Variants in WDR25 observed in about 807,000 individuals in gnomAD.
WDR25 encodes the protein WD repeat domain 25, also known as WD repeat-containing protein 25.
Under a neutral mutation model 47.7 loss-of-function variants are expected in WDR25, and 35 were observed. That is an observed-to-expected ratio of 0.73 (90% CI 0.56 to 0.97). The LOEUF (loss-of-function observed/expected upper bound fraction) is 0.97. WDR25 is among the 50% of genes least tolerant of loss of function. The probability of loss-of-function intolerance (pLI) is 0.00; values close to 1 mark genes in which losing one functional copy is unlikely to be tolerated. For missense variants in WDR25, 634 were observed against 704.7 expected (o/e 0.90, Z 1.14); for synonymous variants, 248 against 278.9 (o/e 0.89, Z 1.10).
In WDR25 at chr14:100,496,836, T is replaced by C. The variant is rs1421789225; in HGVS notation, c.1101+12712T>C. On this transcript the variant is annotated intron_variant, in intron 4 of 6. Coordinates refer to ENST00000402312, the MANE Select transcript of WDR25 (RefSeq NM_001161476.3). Reference sequence around the variant, plus strand: ...TCTTTTTTTCTTTAATTCTTTTTTTTTTTTTTTTTTTTTTTTGGAGACAGA... The same window carrying C: ...TCTTTTTTTCTTTAATTCTTTTTTTCTTTTTTTTTTTTTTTTGGAGACAGA... 1.4e-3 allele frequency among the ~76,000 whole-genome samples: 187 copies of C among 132,606 alleles called. 1 individual carries two copies. The highest frequency in any genetic ancestry group is 5.2e-3 in the African/African-American group (181 of 34,950). The allele number at this position is 132,606 out of a possible 152,430, so 87.0% of individuals were successfully genotyped here.
intron 2 of WDR25, among the ~76,000 whole-genome samples, chr14:100,460,843 T>A (rs1395869857): frequency 2.0e-5 from 3 of 152,186 alleles, no homozygotes; most frequent in African/African-American, 4.8e-5. Flanking sequence ...GCCAGTGTGA[T>A]AAGACAAGAC....
At chr14:100,497,227 A>ATTTGGTC (rs2140341402) in intron 4 of WDR25, among the ~76,000 whole-genome samples, 1 of 152,254 alleles carries the variant, frequency 6.6e-6, no homozygotes, top group African/African-American at 2.4e-5. Flanking sequence ...GTGTTGTATA[A>ATTTGGTC]ATGGCAATTT....
intron 2 of WDR25, among the ~76,000 whole-genome samples, chr14:100,464,794 TCATC>T: frequency 9.5e-6 from 1 of 105,466 alleles, no homozygotes; most frequent in Non-Finnish European, 2.0e-5. Context: ...TCATCTCATC[TCATC>T]TCATCTTCTT....
At chr14:100,386,459 CTG>C (rs1897020229) in intron 2 of WDR25, among the ~76,000 whole-genome samples, 1 of 152,250 alleles carries the variant, frequency 6.6e-6, no homozygotes, top group Non-Finnish European at 1.5e-5. Flanking sequence ...ATTTTTATAA[CTG>C]TCTCAAGTTT....
chr14:100,377,328 C>T (rs1242155466), intron 1 of WDR25, among the ~76,000 whole-genome samples: 1 of 147,770 alleles, frequency 6.8e-6, no homozygotes, highest in East Asian at 1.9e-4. Context: ...GAGACCAAGT[C>T]TCGCTCTGTA....
At chr14:100,467,525 G>A (rs1448396299) in intron 2 of WDR25, among the ~76,000 whole-genome samples, 1 of 152,136 alleles carries the variant, frequency 6.6e-6, no homozygotes, top group Non-Finnish European at 1.5e-5. Flanking sequence ...AGACAGTCTC[G>A]CTGTGTCACC....
At chr14:100,501,860 T>C (rs1485391675) in intron 4 of WDR25, among the ~76,000 whole-genome samples, 2 of 152,178 alleles carry the variant, frequency 1.3e-5, no homozygotes, top group Non-Finnish European at 2.9e-5. Flanking sequence ...TTGGGCCTTT[T>C]CCTTGGAGGA....
chr14:100,468,259 C>T lies in WDR25; in HGVS notation c.970+91C>T, dbSNP rs769004491. 53 of 1,508,030 alleles carry T rather than the reference C, an allele frequency of 3.5e-5. No homozygotes were observed. Among genetic ancestry groups the T allele is most frequent in the South Asian group, 1.0e-4 (8 of 77,796 alleles). 93.4% of individuals were successfully genotyped at this position (1,508,030 alleles called of 1,614,324 possible). On this transcript the variant is annotated intron_variant, in intron 3 of 6. Coordinates refer to ENST00000402312, the MANE Select transcript of WDR25 (RefSeq NM_001161476.3). The surrounding 1 kb of genome is among the most constrained non-coding windows in gnomAD (Gnocchi z 4.5). ...TGGGCACGCAGCCACAAGCTGTATACGCTTGCGTGGCAGAGGGAGAGGGGC... is the reference window on the plus strand; with the variant it reads ...TGGGCACGCAGCCACAAGCTGTATATGCTTGCGTGGCAGAGGGAGAGGGGC...
rs74078490 is a variant in WDR25, at chr14:100,469,458, C to A, written c.970+1290C>A. Among the ~76,000 whole-genome samples the A allele has an allele frequency of 4.7e-3, 717 of 152,306 alleles. 6 individuals carry two copies. The highest frequency in any genetic ancestry group is 0.016 in the African/African-American group (679 of 41,558). On this transcript the variant is annotated intron_variant, in intron 3 of 6. Coordinates refer to ENST00000402312, the MANE Select transcript of WDR25 (RefSeq NM_001161476.3). ...CATTTTAAAGGAGAGGAAACTGAGG[C>A]TCAGAGGGGCAAAGCAGCTTGCTCA...
chr14:100,421,394 G>T (rs1282798412), intron 2 of WDR25, among the ~76,000 whole-genome samples: 1 of 152,128 alleles, frequency 6.6e-6, no homozygotes, highest in Admixed American at 6.5e-5. Flanking sequence ...CCACAGTCGT[G>T]GCCTTTGGGA....
At chr14:100,527,708 C>T (rs7142209) in intron 5 of WDR25, among the ~76,000 whole-genome samples, 66,250 of 152,060 alleles carry the variant, frequency 0.44, 14,839 homozygotes, top group East Asian at 0.63. Flanking sequence ...ACTATAGTTA[C>T]ACTCCACACT....
intron 2 of WDR25, among the ~76,000 whole-genome samples, chr14:100,442,200 A>G (rs1898691029): frequency 6.6e-6 from 1 of 152,086 alleles, no homozygotes; most frequent in Non-Finnish European, 1.5e-5. Flanking sequence ...TGGACTGATG[A>G]ATTGAACACT....
chr14:100,387,904 T>G (rs561207668), intron 2 of WDR25, among the ~76,000 whole-genome samples: 1 of 152,344 alleles, frequency 6.6e-6, no homozygotes, highest in South Asian at 2.1e-4. Context: ...TGGTTTGGAT[T>G]TGCATTTTTA....
chr14:100,382,241 C>T (rs372349484), intron 2 of WDR25: 41 of 699,394 alleles, frequency 5.9e-5, no homozygotes, highest in East Asian at 3.0e-4. Flanking sequence ...GCTGTGAGGA[C>T]GGCCCCCAGT....
At chr14:100,386,620 G>A (rs956224697) in intron 2 of WDR25, among the ~76,000 whole-genome samples, 4 of 152,076 alleles carry the variant, frequency 2.6e-5, no homozygotes, top group African/African-American at 9.7e-5. Context: ...GAGGCCAGGC[G>A]CGGTGGCTCA....
At chr14:100,496,717 T>C (rs1320231110) in intron 4 of WDR25, among the ~76,000 whole-genome samples, 1 of 152,128 alleles carries the variant, frequency 6.6e-6, no homozygotes, top group African/African-American at 2.4e-5. Flanking sequence ...TAATTTTCTT[T>C]AGACTTTCTC....
At chr14:100,403,957 T>G (rs1897456099) in intron 2 of WDR25, among the ~76,000 whole-genome samples, 1 of 152,246 alleles carries the variant, frequency 6.6e-6, no homozygotes, top group African/African-American at 2.4e-5. Context: ...AATTCCTGTT[T>G]GCCTGGGTTC....
intron 4 of WDR25, among the ~76,000 whole-genome samples, chr14:100,520,081 T>C (rs199856135): frequency 1.0e-5 from 1 of 98,592 alleles, no homozygotes; most frequent in Non-Finnish European, 1.7e-5. Context: ...TGTGTGTGCA[T>C]ATATATATAT....
At chr14:100,390,670 T>G (rs932205877) in intron 2 of WDR25, among the ~76,000 whole-genome samples, 1 of 152,218 alleles carries the variant, frequency 6.6e-6, no homozygotes, top group Admixed American at 6.5e-5. Context: ...GTGTGCAGAC[T>G]GCACTCTCCA....
Sources: allele counts gnomAD v4.1 joint callset (sites outside exome capture counted in the v4.1 genomes callset), GRCh38; gene constraint gnomAD v4.1.1; non-coding constraint Gnocchi (gnomAD v3.1); transcripts MANE v1.5; gene names NCBI Gene and HGNC (gene_info 2026-07-23, HGNC 2026-07-21).